Variants in TRMT11 observed in about 807,000 individuals in gnomAD.
TRMT11 encodes tRNA methyltransferase 11.
TRMT11 carries 53 observed loss-of-function variants against 62.8 expected under a neutral mutation model. The ratio of observed to expected loss-of-function variants is 0.84; its 90% CI spans 0.68 to 1.06. TRMT11 has a LOEUF of 1.06. Ranked by LOEUF, TRMT11 falls within the 50% of genes least tolerant of loss-of-function variation. TRMT11 has a pLI of 0.00. For synonymous variants in TRMT11, 188 were observed against 190.3 expected (o/e 0.99, Z 0.10); for missense variants, 556 against 553.4 (o/e 1.00, Z -0.05).
intron 6 of TRMT11, 94 bp from the exon 7 acceptor site, chr6:125,999,363 T>C: frequency 1.0e-6 from 1 of 955,688 alleles, no homozygotes; most frequent in Non-Finnish European, 1.5e-6. Flanking sequence ...TGGAAAGAAG[T>C]TCTTATCAGC....
chr6:126,164,132 A>AACAC, intron 21 of TRMT11, among the ~76,000 whole-genome samples: 1 of 152,246 alleles, frequency 6.6e-6, no homozygotes. Flanking sequence ...TTTCCCTCTA[A>AACAC]ACACTGCTTT....
chr6:126,093,656 A>G (rs1385523660), intron 17 of TRMT11, among the ~76,000 whole-genome samples: 5 of 123,510 alleles, frequency 4.0e-5, no homozygotes, highest in South Asian at 2.7e-4. Flanking sequence ...TGGAGGATCA[A>G]TTAGGTGCTG....
At chr6:126,085,893 G>A (rs1777212117) in intron 17 of TRMT11, among the ~76,000 whole-genome samples, 1 of 152,116 alleles carries the variant, frequency 6.6e-6, no homozygotes, top group Non-Finnish European at 1.5e-5. Context: ...GTAGAATATT[G>A]ATGACAGTGG....
At chr6:126,150,499 C>T (rs1253094815) in intron 21 of TRMT11, among the ~76,000 whole-genome samples, 1 of 152,118 alleles carries the variant, frequency 6.6e-6, no homozygotes, top group Non-Finnish European at 1.5e-5. Context: ...GCATGAGCAC[C>T]ATTTTATTCA....
At chr6:126,011,987 G>T (rs1194231953) in intron 9 of TRMT11, among the ~76,000 whole-genome samples, 1 of 152,152 alleles carries the variant, frequency 6.6e-6, no homozygotes, top group Admixed American at 6.6e-5. Context: ...TCATGAGGTC[G>T]TGAGTTTTTT....
the TRMT11 span, among the ~76,000 whole-genome samples, chr6:126,217,801 T>G: frequency 6.6e-6 from 1 of 152,106 alleles, no homozygotes; most frequent in Non-Finnish European, 1.5e-5. Flanking sequence ...CAGCAGATGG[T>G]GAAATCAGTC....
intron 21 of TRMT11, among the ~76,000 whole-genome samples, chr6:126,154,666 G>A (rs1465933936): frequency 6.6e-6 from 1 of 152,154 alleles, no homozygotes; most frequent in East Asian, 1.9e-4. Flanking sequence ...AAGGGCATCT[G>A]GAAGAATTTC....
intron 21 of TRMT11, among the ~76,000 whole-genome samples, chr6:126,134,147 T>C (rs935454489): frequency 9.2e-5 from 14 of 151,898 alleles, no homozygotes; most frequent in African/African-American, 3.1e-4. Flanking sequence ...TAAGGCCTAA[T>C]GTATAAATAA....
intron 11 of TRMT11, 39 bp downstream of exon 11, chr6:126,013,140 T>A (rs1483464082): frequency 6.4e-7 from 1 of 1,570,258 alleles, no homozygotes. Context: ...TCATTTTTCT[T>A]ACAATGTTTG....
chr6:126,161,448 A>G (rs1490756435), intron 21 of TRMT11, among the ~76,000 whole-genome samples: 1 of 152,208 alleles, frequency 6.6e-6, no homozygotes, highest in Non-Finnish European at 1.5e-5. Flanking sequence ...TCCATGGTAT[A>G]TATGTGCCAC....
intron 17 of TRMT11, among the ~76,000 whole-genome samples, chr6:126,100,978 G>A (rs1777393313): frequency 6.6e-6 from 1 of 152,080 alleles, no homozygotes; most frequent in Admixed American, 6.6e-5. Context: ...TTCACAGTGG[G>A]GTTCACGCTT....
At chr6:126,021,100 C>T in intron 11 of TRMT11, 60 bp from the exon 12 acceptor site, 1 of 1,602,558 alleles carries the variant, frequency 6.2e-7, no homozygotes, top group Non-Finnish European at 8.5e-7. Flanking sequence ...GGACGATCCC[C>T]ATGATTCTTT....
intron 17 of TRMT11, among the ~76,000 whole-genome samples, chr6:126,082,870 A>G (rs1456931848): frequency 6.6e-6 from 1 of 152,162 alleles, no homozygotes; most frequent in African/African-American, 2.4e-5. Context: ...GTTAAAAATA[A>G]GAAGTGGTTA....
At chr6:126,220,754 CTATT>C in the TRMT11 span, among the ~76,000 whole-genome samples, 36 of 148,936 alleles carry the variant, frequency 2.4e-4, no homozygotes, top group Non-Finnish European at 4.6e-4. Context: ...ATCTGGATGT[CTATT>C]TTTTTTTTTC....
At chr6:126,012,941 G>T (rs1794444923) in intron 10 of TRMT11, 29 bp from the exon 11 acceptor site, 4 of 1,607,886 alleles carry the variant, frequency 2.5e-6, no homozygotes, top group Non-Finnish European at 3.4e-6. Flanking sequence ...ATTTTTCACT[G>T]ATTTTGAAAT....
At position 126,099,594 on chromosome 6, in the gene TRMT11, A is replaced by G. The variant is rs567031933; in HGVS notation, c.*1438-13272A>G. The stretch of plus-strand genomic sequence containing the variant: ...AAATCCCATCTCTACTAAAAATTCA[A>G]AAATTAGCCAGGCATGCTGGCAGCC... On this transcript the variant is annotated intron_variant and NMD_transcript_variant, in intron 17 of 22. Transcript: ENST00000648977. 7.2e-5 allele frequency among the ~76,000 whole-genome samples: 11 copies of G among 152,266 alleles called. 1 individual carries two copies. In the South Asian group the frequency reaches 2.3e-3, roughly 32 times the overall value.
At chr6:126,128,819 A>G (rs967237310) in intron 21 of TRMT11, among the ~76,000 whole-genome samples, 2 of 152,202 alleles carry the variant, frequency 1.3e-5, no homozygotes, top group Non-Finnish European at 1.5e-5. Context: ...GTTATTGATC[A>G]TGACCATTAT....
intron 12 of TRMT11, among the ~76,000 whole-genome samples, chr6:126,021,722 TTC>T (rs754114580): frequency 1.3e-5 from 2 of 152,244 alleles, no homozygotes; most frequent in African/African-American, 2.4e-5. Flanking sequence ...GCCCAACACA[TTC>T]TCTCTTTGTC....
intron 12 of TRMT11, among the ~76,000 whole-genome samples, chr6:126,037,089 C>G (rs1161880383): frequency 6.6e-6 from 1 of 151,988 alleles, no homozygotes; most frequent in African/African-American, 2.4e-5. Flanking sequence ...AGTCCATCAC[C>G]TATATTCTCA....
Sources: gnomAD v4.1 joint callset for allele counts (sites outside exome capture counted in the v4.1 genomes callset) on GRCh38, gnomAD v4.1.1 for gene constraint, MANE v1.5 for transcripts, NCBI Gene and HGNC (gene_info 2026-07-23, HGNC 2026-07-21) for gene names.